GOLM2: variants seen among roughly 807,000 people sequenced by gnomAD.
The protein encoded by GOLM2 is protein GOLM2.
Under a neutral mutation model 55.9 loss-of-function variants are expected in GOLM2, and 26 were observed. The ratio of observed to expected loss-of-function variants is 0.47; its 90% CI spans 0.34 to 0.65. GOLM2 has a LOEUF of 0.65. Among genes scored for constraint, GOLM2 ranks in the 30% least tolerant of loss-of-function variants. The pLI is 0.01. For missense variants in GOLM2, 486 were observed against 531.8 expected (o/e 0.91, Z 0.85); for synonymous variants, 165 against 194.6 (o/e 0.85, Z 1.27).
intron 1 of GOLM2, among the ~76,000 whole-genome samples, chr15:44,314,867 G>A (rs905100852): frequency 2.0e-4 from 30 of 152,310 alleles, no homozygotes; most frequent in African/African-American, 7.0e-4. Context: ...AAATAACTAT[G>A]CCCACTTTCA....
chr15:44,402,720 C>G, intron 8 of GOLM2, 167 bp from the exon 9 acceptor site: 1 of 513,478 alleles, frequency 1.9e-6, no homozygotes, highest in Non-Finnish European at 3.4e-6. Context: ...AGAGTCTTCC[C>G]TCTTATATAC....
At chr15:44,349,557 C>T (rs1479837848) in intron 6 of GOLM2, among the ~76,000 whole-genome samples, 1 of 152,014 alleles carries the variant, frequency 6.6e-6, no homozygotes, top group Non-Finnish European at 1.5e-5. Context: ...ACTTCAACAC[C>T]CCACTTTCAG....
chr15:44,389,249 G>A (rs1051025208), intron 8 of GOLM2, among the ~76,000 whole-genome samples: 10 of 151,924 alleles, frequency 6.6e-5, no homozygotes, highest in African/African-American at 2.4e-4. Context: ...TTTCATTGTG[G>A]CCGGGCACAG....
At chr15:44,391,191 A>G (rs2079485709) in intron 8 of GOLM2, among the ~76,000 whole-genome samples, 1 of 152,286 alleles carries the variant, frequency 6.6e-6, no homozygotes, top group African/African-American at 2.4e-5. Flanking sequence ...CAAGCAAACC[A>G]AAAACTGGTT....
At chr15:44,406,241 T>A (rs2079596499) in intron 9 of GOLM2, 1 of 151,988 alleles carries the variant, frequency 6.6e-6, no homozygotes, top group African/African-American at 2.4e-5. Context: ...ATACAAAAAT[T>A]AGCTGGGTGT....
At chr15:44,362,063 T>A (rs1479041559) in intron 6 of GOLM2, among the ~76,000 whole-genome samples, 2 of 152,026 alleles carry the variant, frequency 1.3e-5, no homozygotes, top group Non-Finnish European at 2.9e-5. Context: ...AAGAGCTATC[T>A]ATGACAAACC....
chr15:44,340,874 G>A (rs1415414093), intron 6 of GOLM2, among the ~76,000 whole-genome samples: 1 of 152,074 alleles, frequency 6.6e-6, no homozygotes, highest in Non-Finnish European at 1.5e-5. Flanking sequence ...TTACATTGCG[G>A]TTGTGTATTT....
intron 6 of GOLM2, among the ~76,000 whole-genome samples, chr15:44,367,776 G>A (rs1360421822): frequency 1.3e-5 from 2 of 150,112 alleles, no homozygotes; most frequent in East Asian, 2.0e-4. Context: ...GCCTGGCGAC[G>A]GAGACTCTGT....
At chr15:44,364,900 A>G (rs2079273815) in intron 6 of GOLM2, among the ~76,000 whole-genome samples, 1 of 152,186 alleles carries the variant, frequency 6.6e-6, no homozygotes, top group African/African-American at 2.4e-5. Flanking sequence ...AATGCTGGCA[A>G]GGACGTGGAA....
At chr15:44,353,092 G>A (rs2079175698) in intron 6 of GOLM2, among the ~76,000 whole-genome samples, 1 of 152,124 alleles carries the variant, frequency 6.6e-6, no homozygotes, top group African/African-American at 2.4e-5. Flanking sequence ...ATAGACATAT[G>A]TCAAAAGAAG....
At chr15:44,304,230 C>CTTCTTTTTTTT (rs1301281420) in intron 1 of GOLM2, among the ~76,000 whole-genome samples, 34 of 82,926 alleles carry the variant, frequency 4.1e-4, no homozygotes, top group African/African-American at 1.4e-3. Flanking sequence ...GGCTCCACTT[C>CTTCTTTTTTTT]TTTTTTTTTT....
intron 2 of GOLM2, 133 bp downstream of exon 2, chr15:44,323,152 T>C (rs1178686947): frequency 2.0e-5 from 11 of 551,624 alleles, no homozygotes; most frequent in Non-Finnish European, 3.5e-5. Context: ...GTAAAACATT[T>C]ATCCTTTTGC....
At chr15:44,388,273 C>CAAAAA (rs35283840) in intron 8 of GOLM2, among the ~76,000 whole-genome samples, 39 of 68,596 alleles carry the variant, frequency 5.7e-4, no homozygotes, top group African/African-American at 1.6e-3. Flanking sequence ...GACCCTGTCT[C>CAAAAA]AAAAAAAAAA....
chr15:44,363,112 C>A (rs2079254033), intron 6 of GOLM2, among the ~76,000 whole-genome samples: 1 of 152,208 alleles, frequency 6.6e-6, no homozygotes, highest in Admixed American at 6.5e-5. Context: ...CTAGGCATTA[C>A]CATTCAGGAC....
rs114041406 is a variant in GOLM2 at position 44,358,540 on chromosome 15, G to C, written c.802+20223G>C. 1.9e-3 allele frequency among the ~76,000 whole-genome samples: 295 copies of C among 152,194 alleles called. 1 individual carries two copies. Among genetic ancestry groups the C allele is most frequent in the African/African-American group, 6.6e-3 (276 of 41,518 alleles). ...AAATAGACCAATGAAACAGAACAGA[G>C]AGTCCAGAGATAGACACACATAAAT... On this transcript the variant is annotated intron_variant, in intron 6 of 9. Transcript: ENST00000299957.
intron 2 of GOLM2, among the ~76,000 whole-genome samples, chr15:44,325,680 A>G (rs941584010): frequency 5.3e-5 from 8 of 152,212 alleles, no homozygotes; most frequent in African/African-American, 1.9e-4. Flanking sequence ...TCTAGAAACT[A>G]TCCAGCCTGA....
intron 6 of GOLM2, among the ~76,000 whole-genome samples, chr15:44,340,495 C>A (rs1048055958): frequency 1.3e-5 from 2 of 152,144 alleles, no homozygotes; most frequent in South Asian, 4.1e-4. Flanking sequence ...AGTCTTCAAG[C>A]GATAGTCCCG....
intron 1 of GOLM2, among the ~76,000 whole-genome samples, chr15:44,303,424 C>G (rs2078813300): frequency 6.6e-6 from 1 of 152,024 alleles, no homozygotes; most frequent in African/African-American, 2.4e-5. Flanking sequence ...TATAGTAGAT[C>G]TAGAATAATA....
intron 3 of GOLM2, 26 bp downstream of exon 3, chr15:44,328,813 T>C: frequency 7.0e-7 from 1 of 1,422,560 alleles, no homozygotes; most frequent in Non-Finnish European, 9.6e-7. Context: ...CAACATATGT[T>C]TATGAATCTA....
Sources: allele counts gnomAD v4.1 joint callset (sites outside exome capture counted in the v4.1 genomes callset), GRCh38; gene constraint gnomAD v4.1.1; transcripts MANE v1.5; gene names NCBI Gene and HGNC (gene_info 2026-07-23, HGNC 2026-07-21).